The following RAB38 variants were observed in gnomAD, a reference collection of about 807,000 sequenced individuals.
The protein encoded by RAB38 is RAB38, member RAS oncogene family, also known as ras-related protein Rab-38.
Under a neutral mutation model 18.4 loss-of-function variants are expected in RAB38, and 15 were observed. That is an observed-to-expected ratio of 0.82 (90% CI 0.55 to 1.26). RAB38 has a LOEUF of 1.26. RAB38 is among the 50% of genes most tolerant of loss of function. The pLI is 0.00. For missense variants in RAB38, 294 were observed against 267.4 expected (o/e 1.10, Z -0.69); for synonymous variants, 101 against 104.4 (o/e 0.97, Z 0.20).
chr11:87,884,607 G>T, the RAB38 span, among the ~76,000 whole-genome samples: 1 of 151,902 alleles, frequency 6.6e-6, no homozygotes, highest in Non-Finnish European at 1.5e-5. Context: ...GAGATAATTT[G>T]GGAGGTTGTG....
the RAB38 span, among the ~76,000 whole-genome samples, chr11:87,947,715 T>A: frequency 2.6e-3 from 391 of 152,242 alleles, 2 homozygotes; most frequent in African/African-American, 8.8e-3. Flanking sequence ...GTGGTATTAT[T>A]TGAGGGCTCT....
At chr11:87,937,342 A>ATATG in the RAB38 span, among the ~76,000 whole-genome samples, 1 of 123,366 alleles carries the variant, frequency 8.1e-6, no homozygotes, top group African/African-American at 3.3e-5. Context: ...ATATATATAT[A>ATATG]TATATATATC....
At chr11:87,956,628 A>G in the RAB38 span, among the ~76,000 whole-genome samples, 5 of 152,192 alleles carry the variant, frequency 3.3e-5, no homozygotes, top group Non-Finnish European at 5.9e-5. Flanking sequence ...GGAGCTCAGA[A>G]CATGATATGT....
chr11:87,895,992 T>C, the RAB38 span, among the ~76,000 whole-genome samples: 1 of 151,740 alleles, frequency 6.6e-6, no homozygotes, highest in African/African-American at 2.4e-5. Context: ...TAAGCCTGCG[T>C]ATTATTCTGA....
chr11:88,021,025 GATGCGTCTTAA>G, the RAB38 span, among the ~76,000 whole-genome samples: 1 of 151,986 alleles, frequency 6.6e-6, no homozygotes, highest in African/African-American at 2.4e-5. Flanking sequence ...ATAACCTAAT[GATGCGTCTTAA>G]AGAACTAGAA....
chr11:87,816,847 G>T, the RAB38 span, among the ~76,000 whole-genome samples: 1 of 151,942 alleles, frequency 6.6e-6, no homozygotes, highest in Non-Finnish European at 1.5e-5. Context: ...TTTATTTCTG[G>T]GATGGAAGCT....
chr11:87,974,796 A>G, the RAB38 span, among the ~76,000 whole-genome samples: 10 of 151,782 alleles, frequency 6.6e-5, no homozygotes, highest in East Asian at 1.7e-3. Context: ...AAAAATGATG[A>G]TCAGAAAAAA....
the RAB38 span, among the ~76,000 whole-genome samples, chr11:87,805,615 A>ACACACG: frequency 5.6e-5 from 8 of 144,072 alleles, no homozygotes; most frequent in East Asian, 1.2e-3. Flanking sequence ...ACACACACAC[A>ACACACG]CACACACGCA....
the RAB38 span, among the ~76,000 whole-genome samples, chr11:87,848,968 CT>C: frequency 6.6e-6 from 1 of 151,994 alleles, no homozygotes; most frequent in South Asian, 2.1e-4. Flanking sequence ...TAAAAATGGC[CT>C]TTTGTCCATA....
At chr11:87,851,594 G>A in the RAB38 span, among the ~76,000 whole-genome samples, 1 of 152,106 alleles carries the variant, frequency 6.6e-6, no homozygotes, top group Admixed American at 6.6e-5. Context: ...TGAACCTAAC[G>A]GCATTAAAAG....
At chr11:87,828,493 C>T in the RAB38 span, among the ~76,000 whole-genome samples, 1 of 152,156 alleles carries the variant, frequency 6.6e-6, no homozygotes, top group Non-Finnish European at 1.5e-5. Context: ...TCCTTTCCTC[C>T]TGCCATGAAA....
the RAB38 span, among the ~76,000 whole-genome samples, chr11:87,911,410 A>ACATAC: frequency 1.3e-5 from 2 of 152,086 alleles, no homozygotes; most frequent in African/African-American, 4.8e-5. Context: ...TGATCATGAT[A>ACATAC]CATAGCATCA....
chr11:88,039,826 T>G, the RAB38 span, among the ~76,000 whole-genome samples: 1 of 152,192 alleles, frequency 6.6e-6, no homozygotes, highest in Admixed American at 6.5e-5. Context: ...AAGTCCAATC[T>G]AGAGCATCTT....
chr11:87,886,995 T>C, the RAB38 span, among the ~76,000 whole-genome samples: 2 of 151,858 alleles, frequency 1.3e-5, no homozygotes, highest in African/African-American at 4.8e-5. Flanking sequence ...GAGAGTAAAA[T>C]GAGACTGATA....
chr11:88,081,721 CT>C, the RAB38 span, among the ~76,000 whole-genome samples: 3 of 151,884 alleles, frequency 2.0e-5, no homozygotes, highest in Non-Finnish European at 2.9e-5. Context: ...TTTCAAGAGT[CT>C]TACCTTAATT....
chr11:87,810,973 T>C, the RAB38 span, among the ~76,000 whole-genome samples: 1 of 152,112 alleles, frequency 6.6e-6, no homozygotes, highest in Admixed American at 6.6e-5. Flanking sequence ...AAAAAGGCTT[T>C]AGAACAGGAA....
chr11:88,029,816 A>T, the RAB38 span, among the ~76,000 whole-genome samples: 2 of 152,150 alleles, frequency 1.3e-5, no homozygotes, highest in African/African-American at 4.8e-5. Flanking sequence ...CATTAGACAG[A>T]TCAACGAGAC....
At chr11:87,942,463 G>A in the RAB38 span, among the ~76,000 whole-genome samples, 235 of 152,188 alleles carry the variant, frequency 1.5e-3, 1 homozygote, top group Admixed American at 3.4e-3. Context: ...TTAGCAACTC[G>A]CTGTATAAAC....
At chr11:87,910,624 G>A in the RAB38 span, among the ~76,000 whole-genome samples, 2,795 of 125,640 alleles carry the variant, frequency 0.022, 46 homozygotes, top group South Asian at 0.057. Context: ...CCACTTCAAA[G>A]TTCATTTTCT....
Sources: gnomAD v4.1 joint callset for allele counts (sites outside exome capture counted in the v4.1 genomes callset) on GRCh38, gnomAD v4.1.1 for gene constraint, MANE v1.5 for transcripts, NCBI Gene and HGNC (gene_info 2026-07-23, HGNC 2026-07-21) for gene names.